Variants in PPM1L observed in about 807,000 individuals in gnomAD.
The protein encoded by PPM1L is protein phosphatase 1L.
Under a neutral mutation model 31.4 loss-of-function variants are expected in PPM1L, and 13 were observed. That is an observed-to-expected ratio of 0.41 (90% confidence interval 0.27 to 0.66). The LOEUF (loss-of-function observed/expected upper bound fraction) is 0.66, where lower values mean the gene tolerates loss of function less well. PPM1L is among the 30% of genes least tolerant of loss of function. The probability of loss-of-function intolerance (pLI) is 0.29; values close to 1 mark genes in which losing one functional copy is unlikely to be tolerated. For synonymous variants in PPM1L, 184 were observed against 175.4 expected, an observed-to-expected ratio of 1.05 and a Z score of -0.39; for missense variants, 326 against 453.7, an observed-to-expected ratio of 0.72 and a Z score of 2.56.
At chr3:160,766,710 A>G (rs1214251744) in intron 1 of PPM1L, among the ~76,000 whole-genome samples, 1 of 151,082 alleles carries the variant, frequency 6.6e-6, no homozygotes, top group Non-Finnish European at 1.5e-5. Context: ...AAAAAAAAGA[A>G]GCTACAAGTC....
At chr3:160,852,078 A>G (rs531224079) in intron 1 of PPM1L, among the ~76,000 whole-genome samples, 1 of 152,330 alleles carries the variant, frequency 6.6e-6, no homozygotes, top group East Asian at 1.9e-4. Flanking sequence ...AAGATTACTT[A>G]GGATGTATTA....
At chr3:160,854,730 CA>C (rs1711627319) in intron 1 of PPM1L, among the ~76,000 whole-genome samples, 1 of 151,830 alleles carries the variant, frequency 6.6e-6, no homozygotes, top group South Asian at 2.1e-4. Flanking sequence ...ATGAAAAAAA[CA>C]TTCCATGCTC....
chr3:160,915,250 C>A (rs547325056), intron 1 of PPM1L, among the ~76,000 whole-genome samples: 10 of 152,262 alleles, frequency 6.6e-5, no homozygotes, highest in African/African-American at 2.4e-4. Flanking sequence ...CACGAGCATT[C>A]TTATACTCCA....
At chr3:160,962,974 C>CT (rs11430313) in intron 2 of PPM1L, among the ~76,000 whole-genome samples, 53,031 of 148,320 alleles carry the variant, frequency 0.36, 9,787 homozygotes, top group East Asian at 0.65. Flanking sequence ...TTCTTCTTTG[C>CT]TTTTTTTTTT....
At chr3:161,022,771 C>T (rs1421851995) in intron 2 of PPM1L, among the ~76,000 whole-genome samples, 1 of 149,478 alleles carries the variant, frequency 6.7e-6, no homozygotes, top group African/African-American at 2.5e-5. Context: ...ACACACCATT[C>T]TCCTGCCTCA....
chr3:161,061,451 G>C (rs1719565304), intron 2 of PPM1L, among the ~76,000 whole-genome samples: 1 of 152,188 alleles, frequency 6.6e-6, no homozygotes, highest in Non-Finnish European at 1.5e-5. Context: ...TTGTGACAAA[G>C]GCGGGTCATC....
rs1157198764 is a variant in PPM1L at position 160,770,163 on chromosome 3, T to A, written c.399+13456T>A. ...CTCTCTCTACTTTCTTTTCTTTTCT[T>A]TTTTAAAAAGATATGCCATTATATT... On this transcript the variant is annotated intron_variant, in intron 1 of 3. Coordinates refer to ENST00000498165, the MANE Select transcript of PPM1L (RefSeq NM_139245.4). 2.0e-5 allele frequency among the ~76,000 whole-genome samples: 3 copies of A among 151,920 alleles called. No individual in the cohort carries two copies. The East Asian group carries it at 5.8e-4, about 29-fold the overall frequency.
chr3:160,848,170 A>G (rs371346183), intron 1 of PPM1L, among the ~76,000 whole-genome samples: 16 of 152,342 alleles, frequency 1.1e-4, no homozygotes, highest in African/African-American at 3.6e-4. Context: ...ATAAATTCTG[A>G]ATGATAATAA....
rs142273178 is a variant in PPM1L at position 160,874,023 on chromosome 3, A to G, written c.400-87713A>G. 8.8e-3 allele frequency among the ~76,000 whole-genome samples: 1,336 copies of G among 152,232 alleles called. 20 individuals carry two copies. Among genetic ancestry groups the G allele is most frequent in the African/African-American group, 0.031 (1,279 of 41,534 alleles). On this transcript the variant is annotated intron_variant, in intron 1 of 3. Transcript: ENST00000498165. The stretch of plus-strand genomic sequence containing the variant: ...TTTCTGTCTATATCAGACATTTCCT[A>G]GGTTTTTGGCTACCCAGAGTCTGAA...
chr3:161,010,193 C>T (rs1717845680), intron 2 of PPM1L, among the ~76,000 whole-genome samples: 1 of 152,070 alleles, frequency 6.6e-6, no homozygotes. Context: ...TGATGTTCCC[C>T]TTCCCGTGTC....
chr3:160,961,649 CT>C, intron 1 of PPM1L, 86 bp from the exon 2 acceptor site: 2 of 1,205,040 alleles, frequency 1.7e-6, no homozygotes, highest in Non-Finnish European at 2.2e-6. Flanking sequence ...GTGCTTTGAG[CT>C]TTCTCTATAG....
Position 160,978,834 on chromosome 3 carries a change from CAAGAAAGA to C in PPM1L, c.574+16933_574+16940del, listed in dbSNP as rs986338933. 1.4e-4 allele frequency among the ~76,000 whole-genome samples: 21 copies of C among 148,710 alleles called. No individual in the cohort carries two copies. The South Asian group carries it at 4.3e-3, about 30-fold the overall frequency. ...GACAGAGCAAGACCCAGTTAAACAACAAGAAAGAAAGAAAGAGAGAAAGAGAGAGAGAA... is the reference window on the plus strand; with the variant it reads ...GACAGAGCAAGACCCAGTTAAACAACAAGAAAGAGAGAAAGAGAGAGAGAA... On this transcript the variant is annotated intron_variant, in intron 2 of 3. Coordinates refer to ENST00000498165, the MANE Select transcript of PPM1L (RefSeq NM_139245.4).
At chr3:161,056,723 C>A (rs1176740686) in intron 2 of PPM1L, among the ~76,000 whole-genome samples, 2 of 152,060 alleles carry the variant, frequency 1.3e-5, no homozygotes, top group Non-Finnish European at 2.9e-5. Context: ...TCCTTAGCCC[C>A]TCCCTCAGCA....
intron 1 of PPM1L, among the ~76,000 whole-genome samples, chr3:160,900,680 A>G (rs1713509570): frequency 1.3e-5 from 2 of 152,124 alleles, no homozygotes; most frequent in Non-Finnish European, 2.9e-5. Flanking sequence ...TAGCCACATT[A>G]TAATAATTAC....
chr3:160,957,284 TTCTTAA>T (rs1715803876), intron 1 of PPM1L, among the ~76,000 whole-genome samples: 5 of 152,230 alleles, frequency 3.3e-5, no homozygotes, highest in Admixed American at 3.3e-4. Flanking sequence ...GTACTACATT[TTCTTAA>T]TCTAGTTTAT....
At chr3:160,842,092 G>A in intron 1 of PPM1L, 1 of 556,302 alleles carries the variant, frequency 1.8e-6, no homozygotes, top group Non-Finnish European at 3.2e-6. Context: ...CCAGATGAGT[G>A]GGTTGGAATA....
intron 1 of PPM1L, among the ~76,000 whole-genome samples, chr3:160,868,581 G>A (rs1712176484): frequency 6.6e-6 from 1 of 152,110 alleles, no homozygotes; most frequent in African/African-American, 2.4e-5. Context: ...AAAAGTTTGG[G>A]GGCTATTGTT....
At chr3:160,935,176 A>G (rs998825444) in intron 1 of PPM1L, among the ~76,000 whole-genome samples, 2 of 152,202 alleles carry the variant, frequency 1.3e-5, no homozygotes, top group Non-Finnish European at 2.9e-5. Flanking sequence ...GAGAGCTTGT[A>G]GAACCAAATA....
At chr3:160,885,622 G>A (rs1402313035) in intron 1 of PPM1L, among the ~76,000 whole-genome samples, 1 of 152,226 alleles carries the variant, frequency 6.6e-6, no homozygotes, top group Admixed American at 6.5e-5. Context: ...GCCACACGGG[G>A]CAGAGGAGCC....
Sources: allele counts gnomAD v4.1 joint callset (sites outside exome capture counted in the v4.1 genomes callset), GRCh38; gene constraint gnomAD v4.1.1; transcripts MANE v1.5; gene names NCBI Gene and HGNC (gene_info 2026-07-23, HGNC 2026-07-21).